NEK1: variants seen among roughly 807,000 people sequenced by gnomAD.
NEK1 encodes serine/threonine-protein kinase Nek1.
Under a neutral mutation model 182.1 loss-of-function variants are expected in NEK1, and 137 were observed. The ratio of observed to expected loss-of-function variants is 0.75; its 90% CI spans 0.65 to 0.87. The LOEUF is 0.87. Among genes scored for constraint, NEK1 ranks in the 40% least tolerant of loss-of-function variants. The pLI, the probability that NEK1 is intolerant of heterozygous loss-of-function variation, is 0.00. For missense variants in NEK1, 1,391 were observed against 1,494.4 expected, an observed-to-expected ratio of 0.93 and a Z score of 1.14; for synonymous variants, 513 against 492.2, an observed-to-expected ratio of 1.04 and a Z score of -0.56.
chr4:169,540,449 C>A (rs2149824782), intron 18 of NEK1, among the ~76,000 whole-genome samples: 1 of 152,152 alleles, frequency 6.6e-6, no homozygotes, highest in South Asian at 2.1e-4. Flanking sequence ...TAGTCCATAA[C>A]CCACATGCTT....
intron 10 of NEK1, among the ~76,000 whole-genome samples, chr4:169,581,926 CAA>C (rs1330434697): frequency 6.6e-6 from 1 of 152,070 alleles, no homozygotes; most frequent in Non-Finnish European, 1.5e-5. Flanking sequence ...CTTAATTCAA[CAA>C]ATGTACCCAT....
chr4:169,598,543 T>C (rs1581065499), intron 5 of NEK1, among the ~76,000 whole-genome samples: 1 of 151,910 alleles, frequency 6.6e-6, no homozygotes, highest in South Asian at 2.1e-4. Context: ...GGAAGGAGAA[T>C]GAGATGTACA....
In NEK1 at chr4:169,398,847, C is replaced by A. The variant is rs1428488689; in HGVS notation, c.3847+1378G>T. On this transcript the variant is annotated intron_variant, in intron 35 of 35. Coordinates refer to ENST00000507142, the MANE Select transcript of NEK1 (RefSeq NM_001199397.3). Reference sequence around the variant, plus strand: ...TAAAATTAAGCATCAACATTTAAAACCCTCAATTTTAGTCTATGAATTTAA... The same window carrying A: ...TAAAATTAAGCATCAACATTTAAAAACCTCAATTTTAGTCTATGAATTTAA... Among the ~76,000 whole-genome samples, 4 of 152,188 alleles carry A rather than the reference C, an allele frequency of 2.6e-5. No homozygotes were observed. The East Asian group carries it at 5.8e-4, about 22-fold the overall frequency.
chr4:169,422,185 C>A (rs989732344), intron 31 of NEK1, among the ~76,000 whole-genome samples: 3 of 152,168 alleles, frequency 2.0e-5, no homozygotes, highest in African/African-American at 7.2e-5. Flanking sequence ...AGTGGACGAG[C>A]AGGCTAAAAG....
chr4:169,603,731 A>C (rs934138511), intron 2 of NEK1, among the ~76,000 whole-genome samples: 5 of 140,716 alleles, frequency 3.6e-5, no homozygotes, highest in Non-Finnish European at 7.5e-5. Flanking sequence ...TTTTTAAGAC[A>C]GTCTCACTCT....
At chr4:169,568,624 G>A (rs866905795) in intron 12 of NEK1, among the ~76,000 whole-genome samples, 8 of 151,846 alleles carry the variant, frequency 5.3e-5, no homozygotes, top group South Asian at 2.1e-4. Flanking sequence ...TTAAAAATAC[G>A]GGCAATATAT....
intron 18 of NEK1, 144 bp downstream of exon 18, chr4:169,555,576 C>G: frequency 9.6e-7 from 1 of 1,044,244 alleles, no homozygotes; most frequent in Non-Finnish European, 1.4e-6. Context: ...AAATTTGCAC[C>G]TCAGAAAATT....
At chr4:169,428,772 C>T (rs1481765574) in intron 29 of NEK1, among the ~76,000 whole-genome samples, 2 of 152,104 alleles carry the variant, frequency 1.3e-5, no homozygotes, top group South Asian at 2.1e-4. Flanking sequence ...CCTAACTACT[C>T]GAATTCCAGT....
chr4:169,478,230 C>T (rs1747331520), intron 24 of NEK1: 1 of 151,952 alleles, frequency 6.6e-6, no homozygotes, highest in Non-Finnish European at 1.5e-5. Flanking sequence ...ACCAACACAA[C>T]ACAGAAAGAA....
chr4:169,550,225 C>A (rs532477577), intron 18 of NEK1, among the ~76,000 whole-genome samples: 1 of 148,770 alleles, frequency 6.7e-6, no homozygotes, highest in South Asian at 2.1e-4. Flanking sequence ...CCTACACATG[C>A]TCTCTCTCTT....
At chr4:169,591,347 C>T (rs1038589223) in intron 5 of NEK1, among the ~76,000 whole-genome samples, 6 of 151,858 alleles carry the variant, frequency 4.0e-5, no homozygotes, top group African/African-American at 1.5e-4. Flanking sequence ...AGACAGTGTC[C>T]CACTATGTTG....
chr4:169,395,385 C>A (rs905912138), intron 35 of NEK1, among the ~76,000 whole-genome samples: 10 of 151,790 alleles, frequency 6.6e-5, no homozygotes, highest in Non-Finnish European at 1.3e-4. Context: ...CTTAACTGCC[C>A]CTATAATTTA....
intron 27 of NEK1, among the ~76,000 whole-genome samples, chr4:169,443,805 C>T (rs1027234729): frequency 2.0e-5 from 3 of 152,004 alleles, no homozygotes; most frequent in Admixed American, 1.3e-4. Flanking sequence ...AAGGGCACCC[C>T]CAACAGACTA....
rs75023979 is a variant in NEK1, at chr4:169,565,886, C to T, written c.1021-3690G>A. On this transcript the variant is annotated intron_variant, in intron 12 of 35. Coordinates refer to ENST00000507142, the MANE Select transcript of NEK1 (RefSeq NM_001199397.3). ...ATGTTCTAAAATTGACTGTGCAGAT[C>T]GTTATGCAACTCTATAAATACATAA... Among the ~76,000 whole-genome samples, 14 of 152,194 alleles carry T rather than the reference C, an allele frequency of 9.2e-5. No homozygotes were observed. In the East Asian group the frequency reaches 2.1e-3, roughly 23 times the overall value.
chr4:169,544,001 C>A (rs554023340), intron 18 of NEK1, among the ~76,000 whole-genome samples: 128 of 152,242 alleles, frequency 8.4e-4, no homozygotes, highest in African/African-American at 2.9e-3. Flanking sequence ...ATTGCCCTGG[C>A]CAGAACTTCC....
chr4:169,507,915 C>T (rs1753578822), intron 21 of NEK1, 123 bp from the exon 22 acceptor site: 5 of 766,366 alleles, frequency 6.5e-6, no homozygotes, highest in Non-Finnish European at 1.1e-5. Flanking sequence ...TCATTTAATG[C>T]TGTTAGTTTT....
chr4:169,403,315 C>A (rs908992396), intron 32 of NEK1, among the ~76,000 whole-genome samples: 14 of 145,506 alleles, frequency 9.6e-5, no homozygotes, highest in Non-Finnish European at 1.7e-4. Flanking sequence ...TGCCTGTAAT[C>A]CTAGCCCTTT....
At chr4:169,408,561 C>G (rs191307754) in intron 31 of NEK1, among the ~76,000 whole-genome samples, 159 of 152,146 alleles carry the variant, frequency 1.0e-3, no homozygotes, top group African/African-American at 3.7e-3. Flanking sequence ...GATATTGGTG[C>G]ACGCAACACC....
intron 23 of NEK1, among the ~76,000 whole-genome samples, chr4:169,492,941 A>T (rs573787738): frequency 2.8e-4 from 42 of 152,308 alleles, no homozygotes; most frequent in Non-Finnish European, 4.9e-4. Flanking sequence ...GAAGGGGGTC[A>T]TCTCTCACCT....
Sources: gnomAD v4.1 joint callset for allele counts (sites outside exome capture counted in the v4.1 genomes callset) on GRCh38, gnomAD v4.1.1 for gene constraint, MANE v1.5 for transcripts, NCBI Gene and HGNC (gene_info 2026-07-23, HGNC 2026-07-21) for gene names.